Variants in SRPK1 observed in about 807,000 individuals in gnomAD.
The protein encoded by SRPK1 is SRSF protein kinase 1.
SRPK1 carries 52 observed loss-of-function variants against 89.5 expected under a neutral mutation model. The ratio of observed to expected loss-of-function variants is 0.58; its 90% CI spans 0.46 to 0.73. The LOEUF (loss-of-function observed/expected upper bound fraction) is 0.73. SRPK1 is among the 30% of genes least tolerant of loss of function. The pLI is 0.00. For synonymous variants in SRPK1, 255 were observed against 270.2 expected (o/e 0.94, Z 0.55); for missense variants, 603 against 780.6 (o/e 0.77, Z 2.71).
At chr6:35,885,887 T>A (rs1446124443) in intron 6 of SRPK1, among the ~76,000 whole-genome samples, 1 of 152,130 alleles carries the variant, frequency 6.6e-6, no homozygotes, top group Non-Finnish European at 1.5e-5. Context: ...GATAAAAACA[T>A]AAAACAAGTC....
chr6:35,898,895 G>A (rs548247840), intron 2 of SRPK1, among the ~76,000 whole-genome samples: 1 of 152,276 alleles, frequency 6.6e-6, no homozygotes, highest in South Asian at 2.1e-4. Context: ...GGGCGTGGTG[G>A]CTCACGCCTG....
At chr6:35,847,961 T>C (rs1428540987) in intron 13 of SRPK1, among the ~76,000 whole-genome samples, 1 of 151,926 alleles carries the variant, frequency 6.6e-6, no homozygotes, top group Non-Finnish European at 1.5e-5. Flanking sequence ...CCAAGTAGCA[T>C]GCACCACCAC....
intron 6 of SRPK1, among the ~76,000 whole-genome samples, chr6:35,877,458 G>A (rs1770178744): frequency 6.6e-6 from 1 of 152,154 alleles, no homozygotes; most frequent in African/African-American, 2.4e-5. Context: ...CATCACAGAT[G>A]TTAGAATTAG....
Position 35,888,804 on chromosome 6 carries a change from C to G in SRPK1, c.302+11G>C. On this transcript the variant is annotated intron_variant, in intron 4 of 15. Transcript: ENST00000373825. The stretch of plus-strand genomic sequence containing the variant: ...TCTAACTAATTCTTTTACAGAACCA[C>G]TAAAACTTACTGAATATCCCATGAT... 1 of 1,564,824 alleles carries G rather than the reference C, an allele frequency of 6.4e-7. No individual in the cohort carries two copies. Among genetic ancestry groups the G allele is most frequent in the Non-Finnish European group, 8.8e-7 (1 of 1,135,754 alleles).
intron 2 of SRPK1, among the ~76,000 whole-genome samples, chr6:35,896,097 T>C (rs1487656128): frequency 6.6e-6 from 1 of 151,956 alleles, no homozygotes; most frequent in Non-Finnish European, 1.5e-5. Flanking sequence ...CCCAAGGAGG[T>C]GTCATGGGAA....
chr6:35,880,568 A>G (rs1038708725), intron 6 of SRPK1, among the ~76,000 whole-genome samples: 3 of 151,246 alleles, frequency 2.0e-5, no homozygotes, highest in African/African-American at 7.3e-5. Context: ...ACTGATATAC[A>G]AAAATTAGCT....
intron 13 of SRPK1, among the ~76,000 whole-genome samples, chr6:35,850,637 G>GT (rs1769532865): frequency 6.6e-6 from 1 of 151,610 alleles, no homozygotes; most frequent in East Asian, 1.9e-4. Context: ...AAAGATGTAC[G>GT]TAAGAATTGC....
chr6:35,877,723 G>A (rs1770184575), intron 6 of SRPK1, among the ~76,000 whole-genome samples: 1 of 151,846 alleles, frequency 6.6e-6, no homozygotes, highest in South Asian at 2.1e-4. Flanking sequence ...CGTGCCTGTA[G>A]TCCCAGCTAC....
At chr6:35,838,270 T>C (rs1330956158) in intron 15 of SRPK1, 67 bp downstream of exon 15, 1 of 1,083,164 alleles carries the variant, frequency 9.2e-7, no homozygotes, top group African/African-American at 1.6e-5. Flanking sequence ...ACATTGGGAA[T>C]ATGTGCTTAC....
intron 6 of SRPK1, among the ~76,000 whole-genome samples, chr6:35,877,940 T>C (rs1326194950): frequency 6.6e-6 from 1 of 151,914 alleles, no homozygotes; most frequent in African/African-American, 2.4e-5. Context: ...AGATTAGATT[T>C]TGTAGAATAA....
intron 13 of SRPK1, among the ~76,000 whole-genome samples, chr6:35,849,811 G>A (rs564349885): frequency 1.3e-5 from 2 of 152,268 alleles, no homozygotes; most frequent in Admixed American, 6.5e-5. Flanking sequence ...ACTGAAACTG[G>A]TACCAAGTGT....
At chr6:35,859,861 CT>C (rs879560712) in intron 12 of SRPK1, among the ~76,000 whole-genome samples, 613 of 140,690 alleles carry the variant, frequency 4.4e-3, no homozygotes, top group South Asian at 6.1e-3. Context: ...AGAACGTAGT[CT>C]TTTTTTTTTT....
At chr6:35,866,975 G>A (rs1175919302) in intron 12 of SRPK1, among the ~76,000 whole-genome samples, 5 of 152,150 alleles carry the variant, frequency 3.3e-5, no homozygotes, top group African/African-American at 1.2e-4. Context: ...ACACATGGAG[G>A]TATAGTGTGG....
chr6:35,853,437 T>C (rs1019296447), intron 13 of SRPK1, among the ~76,000 whole-genome samples: 1 of 152,244 alleles, frequency 6.6e-6, no homozygotes, highest in Non-Finnish European at 1.5e-5. Context: ...TGCCATTTTA[T>C]GTAAAGTACT....
chr6:35,856,983 A>C, intron 13 of SRPK1: 1 of 329,516 alleles, frequency 3.0e-6, no homozygotes, highest in East Asian at 5.2e-5. Context: ...AAAACCAACA[A>C]CACCTCTTAG....
rs1769124885 is a variant in SRPK1 at position 35,834,169 on chromosome 6, CA to C, written c.*1134del. ...AATAACGAACCAACCAACCAAAAAA[CA>C]AAACAAAACAAGACCAACAAAAAAA... On this transcript the variant is annotated 3_prime_UTR_variant, in exon 16 of 16. Coordinates refer to ENST00000373825, the MANE Select transcript of SRPK1 (RefSeq NM_003137.5). 6.6e-6 allele frequency: 1 copy of C among 152,232 alleles called. No individual in the cohort carries two copies. The highest frequency in any genetic ancestry group is 2.4e-5 in the African/African-American group (1 of 41,310). 9.4% of individuals were successfully genotyped at this position (152,232 alleles called of 1,614,324 possible).
chr6:35,906,849 A>G (rs1166177630), intron 2 of SRPK1, among the ~76,000 whole-genome samples: 3 of 152,178 alleles, frequency 2.0e-5, no homozygotes, highest in Non-Finnish European at 4.4e-5. Context: ...AACCCACTCT[A>G]ATGGACTAAA....
Position 35,857,953 on chromosome 6 carries a change from T to C in SRPK1, c.1513-585A>G, listed in dbSNP as rs374156566. ...CTGAAGTTTTCTCTGAGTAATTTCC[T>C]CTTTTCACAAATACTGTTCCCTGTT... On this transcript the variant is annotated intron_variant, in intron 12 of 15. Transcript: ENST00000373825. 3.3e-5 allele frequency among the ~76,000 whole-genome samples: 5 copies of C among 152,330 alleles called. No individual in the cohort carries two copies. In the East Asian group the frequency reaches 7.7e-4, roughly 23 times the overall value.
intron 2 of SRPK1, among the ~76,000 whole-genome samples, chr6:35,918,010 A>G (rs1402558237): frequency 6.6e-6 from 1 of 152,206 alleles, no homozygotes; most frequent in Non-Finnish European, 1.5e-5. Context: ...TCCTGTAACT[A>G]GCAGCTTGCC....
Sources: allele counts gnomAD v4.1 joint callset (sites outside exome capture counted in the v4.1 genomes callset), GRCh38; gene constraint gnomAD v4.1.1; transcripts MANE v1.5; gene names NCBI Gene and HGNC (gene_info 2026-07-23, HGNC 2026-07-21).